The following CLNK variants were observed in gnomAD, a reference collection of about 807,000 sequenced individuals.
CLNK encodes the protein cytokine dependent hematopoietic cell linker.
In CLNK, 74 loss-of-function variants were observed where a neutral mutation model predicts 68.6. That is an observed-to-expected ratio of 1.08 (90% CI 0.89 to 1.31). CLNK has a LOEUF of 1.31. Ranked by LOEUF, CLNK falls within the 50% of genes most tolerant of loss-of-function variation. The pLI, the probability that CLNK is intolerant of heterozygous loss-of-function variation, is 0.00. For missense variants in CLNK, 553 were observed against 515.3 expected, an observed-to-expected ratio of 1.07 and a Z score of -0.71; for synonymous variants, 198 against 172.2, an observed-to-expected ratio of 1.15 and a Z score of -1.17.
intron 2 of CLNK, among the ~76,000 whole-genome samples, chr4:10,657,250 A>G (rs1471744352): frequency 2.0e-5 from 3 of 152,200 alleles, no homozygotes; most frequent in Non-Finnish European, 4.4e-5. Context: ...AAGTATTTAT[A>G]ATGATATAAA....
chr4:10,523,345 A>T (rs1374060658), intron 14 of CLNK, among the ~76,000 whole-genome samples: 3 of 152,152 alleles, frequency 2.0e-5, no homozygotes, highest in Non-Finnish European at 2.9e-5. Context: ...GGGTCATTAG[A>T]TACACAGGTC....
Position 10,508,802 on chromosome 4 carries a change from G to A in CLNK, c.907-766C>T, listed in dbSNP as rs1717425304. Among the ~76,000 whole-genome samples, 3 of 151,998 alleles carry A rather than the reference G, an allele frequency of 2.0e-5. No individual in the cohort carries two copies. The South Asian group carries it at 6.2e-4, about 32-fold the overall frequency. Reference sequence around the variant, plus strand: ...ATAGACCCTAGTGAAGATGGACAGTGAAGTTTCAGAAAGTCAAAATCTGGG... The same window carrying A: ...ATAGACCCTAGTGAAGATGGACAGTAAAGTTTCAGAAAGTCAAAATCTGGG... On this transcript the variant is annotated intron_variant, in intron 16 of 18. Transcript: ENST00000226951.
the CLNK span, among the ~76,000 whole-genome samples, chr4:10,710,359 C>A: frequency 2.5e-3 from 382 of 152,108 alleles, 2 homozygotes; most frequent in African/African-American, 8.5e-3. Flanking sequence ...CCTTCAATCA[C>A]AATTAAAATA....
chr4:10,717,175 G>C, the CLNK span, among the ~76,000 whole-genome samples: 1 of 152,186 alleles, frequency 6.6e-6, no homozygotes, highest in Non-Finnish European at 1.5e-5. Context: ...CTCCTTGCCA[G>C]GCAATAAAAA....
intron 2 of CLNK, among the ~76,000 whole-genome samples, chr4:10,654,895 G>A (rs1723903263): frequency 6.6e-6 from 1 of 152,054 alleles, no homozygotes; most frequent in African/African-American, 2.4e-5. Context: ...TAGGTCAGGA[G>A]ATCGAGATCA....
At chr4:10,734,743 T>C in the CLNK span, among the ~76,000 whole-genome samples, 1 of 152,180 alleles carries the variant, frequency 6.6e-6, no homozygotes, top group Non-Finnish European at 1.5e-5. Context: ...CTTGGTCTAT[T>C]TGATGAGTAC....
chr4:10,598,858 C>T (rs1345867468), intron 2 of CLNK, among the ~76,000 whole-genome samples: 5 of 152,132 alleles, frequency 3.3e-5, no homozygotes, highest in Admixed American at 3.3e-4. Flanking sequence ...GCTCAGCTAC[C>T]CTCTTTGTCC....
intron 2 of CLNK, among the ~76,000 whole-genome samples, chr4:10,634,845 G>A (rs1461964490): frequency 6.6e-6 from 1 of 151,670 alleles, no homozygotes; most frequent in African/African-American, 2.4e-5. Context: ...AAAAATCTTT[G>A]GTAAAATGAG....
At chr4:10,583,419 T>G (rs1720859178) in intron 4 of CLNK, among the ~76,000 whole-genome samples, 1 of 152,130 alleles carries the variant, frequency 6.6e-6, no homozygotes, top group South Asian at 2.1e-4. Flanking sequence ...CCCAAGTAGC[T>G]GGGACTACAG....
intron 8 of CLNK, among the ~76,000 whole-genome samples, chr4:10,553,069 G>T (rs1719525435): frequency 6.6e-6 from 1 of 152,148 alleles, no homozygotes; most frequent in African/African-American, 2.4e-5. Flanking sequence ...GCATGCAGGG[G>T]CGGAAGCATT....
the CLNK span, chr4:10,697,575 C>T: frequency 5.9e-5 from 9 of 152,192 alleles, no homozygotes; most frequent in Admixed American, 2.6e-4. Context: ...CCTTCTTCCC[C>T]TTTCCCAAAT....
intron 2 of CLNK, among the ~76,000 whole-genome samples, chr4:10,603,324 A>C (rs1169227841): frequency 6.6e-6 from 1 of 152,228 alleles, no homozygotes; most frequent in Non-Finnish European, 1.5e-5. Context: ...CATTATAATG[A>C]AAATCAGAAC....
chr4:10,732,573 C>T, the CLNK span, among the ~76,000 whole-genome samples: 3 of 152,152 alleles, frequency 2.0e-5, no homozygotes, highest in African/African-American at 4.8e-5. Context: ...TGAATGGGGA[C>T]TAGCCTTTTA....
intron 7 of CLNK, among the ~76,000 whole-genome samples, 184 bp from the exon 8 acceptor site, chr4:10,558,636 G>A (rs1469677650): frequency 6.6e-6 from 1 of 152,156 alleles, no homozygotes; most frequent in African/African-American, 2.4e-5. Flanking sequence ...CCAATGAAGG[G>A]TGCAGTGGCT....
intron 4 of CLNK, among the ~76,000 whole-genome samples, chr4:10,578,807 A>G (rs2108832991): frequency 6.6e-6 from 1 of 152,036 alleles, no homozygotes; most frequent in Middle Eastern, 3.4e-3. Context: ...GCTAACTTCA[A>G]GTAATCCACC....
intron 2 of CLNK, among the ~76,000 whole-genome samples, chr4:10,604,348 G>T (rs905163287): frequency 1.3e-5 from 2 of 152,200 alleles, no homozygotes; most frequent in Non-Finnish European, 2.9e-5. Context: ...TGTCCATTTT[G>T]TTCATTCCAT....
rs1241988562 is a variant in CLNK at position 10,486,970 on chromosome 4, G to A, written c.*3497C>T. The A allele has an allele frequency of 6.6e-6, 1 of 152,174 alleles. No homozygotes were observed. Among genetic ancestry groups the A allele is most frequent in the African/African-American group, 2.4e-5 (1 of 41,430 alleles). 9.4% of individuals were successfully genotyped at this position (152,174 alleles called of 1,614,324 possible). ...ATAGTGCTTAGTAATGAATACACATGCAGTACACAAAGGTGCTAACACAAT... is the reference window on the plus strand; with the variant it reads ...ATAGTGCTTAGTAATGAATACACATACAGTACACAAAGGTGCTAACACAAT... On this transcript the variant is annotated 3_prime_UTR_variant, in exon 19 of 19. Coordinates refer to ENST00000226951, the MANE Select transcript of CLNK (RefSeq NM_052964.4).
At chr4:10,690,681 T>C in the CLNK span, among the ~76,000 whole-genome samples, 207 of 152,334 alleles carry the variant, frequency 1.4e-3, no homozygotes, top group African/African-American at 4.2e-3. Context: ...ATTTAATCAT[T>C]ACAATAACGC....
intron 2 of CLNK, among the ~76,000 whole-genome samples, chr4:10,618,550 T>G (rs1052681522): frequency 6.6e-6 from 1 of 152,236 alleles, no homozygotes; most frequent in African/African-American, 2.4e-5. Context: ...AGTTTATTCT[T>G]GCACTGCTAT....
Sources: gnomAD v4.1 joint callset for allele counts (sites outside exome capture counted in the v4.1 genomes callset) on GRCh38, gnomAD v4.1.1 for gene constraint, MANE v1.5 for transcripts, NCBI Gene and HGNC (gene_info 2026-07-23, HGNC 2026-07-21) for gene names.